The following PACRG variants were observed in gnomAD, a reference collection of about 807,000 sequenced individuals.
The protein encoded by PACRG is parkin coregulated gene protein.
PACRG carries 29 observed loss-of-function variants against 29.7 expected under a neutral mutation model. The observed-to-expected ratio is 0.98, with a 90% CI of 0.73 to 1.33. PACRG has a LOEUF of 1.33. Ranked by LOEUF, PACRG falls within the 40% of genes most tolerant of loss-of-function variation. The probability of loss-of-function intolerance (pLI) is 0.00; values close to 1 mark genes in which losing one functional copy is unlikely to be tolerated. For missense variants in PACRG, 279 were observed against 316.2 expected, an observed-to-expected ratio of 0.88 and a Z score of 0.89; for synonymous variants, 116 against 118.7, an observed-to-expected ratio of 0.98 and a Z score of 0.15.
intron 4 of PACRG, among the ~76,000 whole-genome samples, chr6:163,219,823 T>A (rs1177395570): frequency 1.3e-5 from 2 of 152,152 alleles, no homozygotes; most frequent in Admixed American, 6.5e-5. Flanking sequence ...GCCTTTACAG[T>A]TTCTGCTCGC....
chr6:162,879,591 A>G (rs1793661033), intron 2 of PACRG, among the ~76,000 whole-genome samples: 2 of 152,250 alleles, frequency 1.3e-5, no homozygotes, highest in Admixed American at 1.3e-4. Context: ...ATAAGAAGTT[A>G]ATCTAGCAAA....
chr6:162,927,658 A>G (rs1258541656), intron 2 of PACRG, among the ~76,000 whole-genome samples: 1 of 151,924 alleles, frequency 6.6e-6, no homozygotes, highest in Non-Finnish European at 1.5e-5. Flanking sequence ...GAGGAGGGAG[A>G]GCATCAGGGT....
Position 162,728,095 on chromosome 6 carries a change from T to G in PACRG, c.-141T>G, listed in dbSNP as rs534528035. Reference sequence around the variant, plus strand: ...ACCTAGGAGCTGCCAAACATCTGGATCAACCTGGGCACTACGAGGGGTTGA... The same window carrying G: ...ACCTAGGAGCTGCCAAACATCTGGAGCAACCTGGGCACTACGAGGGGTTGA... On this transcript the variant is annotated 5_prime_UTR_variant, in exon 1 of 5. Transcript: ENST00000366888. The G allele has an allele frequency of 1.4e-5, 14 of 1,035,382 alleles. No individual in the cohort carries two copies. In the African/African-American group the frequency reaches 2.1e-4, roughly 15 times the overall value. 64.1% of individuals were successfully genotyped at this position (1,035,382 alleles called of 1,614,324 possible).
At chr6:163,144,167 T>G (rs190904473) in intron 4 of PACRG, among the ~76,000 whole-genome samples, 24 of 146,836 alleles carry the variant, frequency 1.6e-4, no homozygotes, top group Admixed American at 1.3e-3. Flanking sequence ...AGGCAGAGAT[T>G]GCAGTGAACC....
intron 4 of PACRG, among the ~76,000 whole-genome samples, chr6:163,255,164 G>A (rs1340163309): frequency 6.6e-6 from 1 of 152,170 alleles, no homozygotes; most frequent in Non-Finnish European, 1.5e-5. Context: ...ATTTTGCCCG[G>A]CTGCAGAGTT....
chr6:163,268,051 A>T (rs1055915031), intron 4 of PACRG, among the ~76,000 whole-genome samples: 1 of 152,228 alleles, frequency 6.6e-6, no homozygotes. Flanking sequence ...TTAGCACATT[A>T]ATTTAAATGA....
intron 4 of PACRG, among the ~76,000 whole-genome samples, chr6:163,115,578 G>A (rs1585233282): frequency 6.7e-6 from 1 of 150,276 alleles, no homozygotes; most frequent in African/African-American, 2.5e-5. Context: ...ACATGAGTGA[G>A]GAAACAACAG....
chr6:163,307,152 A>G (rs1282531560), intron 4 of PACRG, among the ~76,000 whole-genome samples: 1 of 152,224 alleles, frequency 6.6e-6, no homozygotes, highest in Non-Finnish European at 1.5e-5. Context: ...GTCATTGTCT[A>G]TGTGAGGGAA....
At chr6:163,164,565 G>C (rs768436176) in intron 4 of PACRG, among the ~76,000 whole-genome samples, 4 of 152,198 alleles carry the variant, frequency 2.6e-5, no homozygotes, top group Admixed American at 2.0e-4. Flanking sequence ...AGAGAGTAGA[G>C]CTACCTTAAG....
chr6:163,065,716 A>G (rs1300340904), intron 3 of PACRG, among the ~76,000 whole-genome samples: 1 of 152,234 alleles, frequency 6.6e-6, no homozygotes, highest in Non-Finnish European at 1.5e-5. Flanking sequence ...GTGGCCTCTG[A>G]GAAACAGAAG....
intron 4 of PACRG, among the ~76,000 whole-genome samples, chr6:163,123,258 G>T (rs567198759): frequency 6.6e-6 from 1 of 152,322 alleles, no homozygotes; most frequent in African/African-American, 2.4e-5. Context: ...ATGCGGGTCG[G>T]CATGATGTCC....
At chr6:163,204,505 C>T (rs1780822774) in intron 4 of PACRG, among the ~76,000 whole-genome samples, 2 of 152,184 alleles carry the variant, frequency 1.3e-5, no homozygotes, top group Non-Finnish European at 2.9e-5. Flanking sequence ...TTTCTCTTCT[C>T]CTCTACCCCC....
At chr6:163,020,223 T>C (rs1806485609) in intron 2 of PACRG, among the ~76,000 whole-genome samples, 1 of 152,228 alleles carries the variant, frequency 6.6e-6, no homozygotes, top group Admixed American at 6.5e-5. Context: ...AAAACAGTTT[T>C]GATAATTAGC....
rs113321195 is a variant in PACRG, at chr6:162,901,226, G to T, written c.291+86945G>T. Among the ~76,000 whole-genome samples, 786 of 152,276 alleles carry T rather than the reference G, an allele frequency of 5.2e-3. 12 individuals are homozygous for T. Among genetic ancestry groups the T allele is most frequent in the African/African-American group, 0.018 (751 of 41,548 alleles). On this transcript the variant is annotated intron_variant, in intron 2 of 4. Transcript: ENST00000366888. ...CCGACTAAGAGTGGGAGCCGAAGCAGGTATATATTGGTGCAATTTAAGGAA... is the reference window on the plus strand; with the variant it reads ...CCGACTAAGAGTGGGAGCCGAAGCATGTATATATTGGTGCAATTTAAGGAA...
At chr6:163,237,659 G>C (rs1377295366) in intron 4 of PACRG, among the ~76,000 whole-genome samples, 1 of 152,146 alleles carries the variant, frequency 6.6e-6, no homozygotes, top group Non-Finnish European at 1.5e-5. Flanking sequence ...GTTCTCATAA[G>C]ATAGGTTATA....
intron 4 of PACRG, among the ~76,000 whole-genome samples, chr6:163,201,567 T>A (rs1223546792): frequency 1.3e-5 from 2 of 152,132 alleles, no homozygotes; most frequent in African/African-American, 4.8e-5. Flanking sequence ...CCCCTACTCA[T>A]CCACCTCCTG....
chr6:163,285,004 C>A (rs1359024436), intron 4 of PACRG, among the ~76,000 whole-genome samples: 2 of 151,660 alleles, frequency 1.3e-5, no homozygotes, highest in African/African-American at 4.9e-5. Context: ...GACCTTCACA[C>A]CCATCAAATA....
At chr6:163,153,897 G>T (rs1326221780) in intron 4 of PACRG, among the ~76,000 whole-genome samples, 1 of 152,140 alleles carries the variant, frequency 6.6e-6, no homozygotes, top group Admixed American at 6.5e-5. Context: ...GCAATGTAAG[G>T]CTCTGTGGGG....
chr6:163,255,881 C>T (rs1783087531), intron 4 of PACRG, among the ~76,000 whole-genome samples: 1 of 152,178 alleles, frequency 6.6e-6, no homozygotes, highest in African/African-American at 2.4e-5. Context: ...AGTGATCCAC[C>T]TGCCTCGGCC....
Sources: gnomAD v4.1 joint callset for allele counts (sites outside exome capture counted in the v4.1 genomes callset) on GRCh38, gnomAD v4.1.1 for gene constraint, MANE v1.5 for transcripts, NCBI Gene and HGNC (gene_info 2026-07-23, HGNC 2026-07-21) for gene names.